The following STK3 variants were observed in gnomAD, a reference collection of about 807,000 sequenced individuals.
STK3 encodes serine/threonine-protein kinase 3.
A neutral mutation model predicts 58.0 loss-of-function variants in STK3; 41 were observed. The observed-to-expected ratio is 0.71, with a 90% CI of 0.55 to 0.92. The LOEUF (loss-of-function observed/expected upper bound fraction) is 0.92, where lower values mean the gene tolerates loss of function less well. Ranked by LOEUF, STK3 falls within the 40% of genes least tolerant of loss-of-function variation. The probability of loss-of-function intolerance (pLI) is 0.00; values close to 1 mark genes in which losing one functional copy is unlikely to be tolerated. For synonymous variants in STK3, 170 were observed against 191.0 expected, an observed-to-expected ratio of 0.89 and a Z score of 0.91; for missense variants, 479 against 602.7, an observed-to-expected ratio of 0.79 and a Z score of 2.15.
intron 3 of STK3, among the ~76,000 whole-genome samples, chr8:98,873,310 A>C (rs1202830250): frequency 6.6e-6 from 1 of 152,182 alleles, no homozygotes; most frequent in Non-Finnish European, 1.5e-5. Context: ...AAGAATGTGT[A>C]TTCTGTTGAT....
the STK3 span, among the ~76,000 whole-genome samples, chr8:98,360,237 C>T: frequency 7.9e-5 from 12 of 152,284 alleles, no homozygotes; most frequent in African/African-American, 2.6e-4. Context: ...ATTCTGACTC[C>T]CCAAAACTGG....
rs778313256 is a variant in STK3 at position 98,800,121 on chromosome 8, G to A, written c.27-25302C>T. ...TAGGTCCCGTGGCAGCCATCTTGCC[G>A]CTACTCGCCTTTGGACCCTATATTT... On this transcript the variant is annotated intron_variant, in intron 1 of 10. Coordinates refer to ENST00000419617, the MANE Select transcript of STK3 (RefSeq NM_006281.4). This position sits in a 1 kb window ranked among gnomAD's most constrained non-coding sequence, Gnocchi z 4.8. Among the ~76,000 whole-genome samples the A allele has an allele frequency of 6.6e-5, 10 of 152,282 alleles. No individual in the cohort carries two copies. Among genetic ancestry groups the A allele is most frequent in the South Asian group, 2.1e-4 (1 of 4,820 alleles).
At chr8:98,679,507 T>C (rs546883253) in intron 6 of STK3, among the ~76,000 whole-genome samples, 2 of 152,336 alleles carry the variant, frequency 1.3e-5, no homozygotes, top group South Asian at 2.1e-4. Flanking sequence ...CTAGCACTTA[T>C]GACTATCTAA....
At chr8:98,668,671 T>C (rs1587236068) in intron 6 of STK3, among the ~76,000 whole-genome samples, 2 of 152,120 alleles carry the variant, frequency 1.3e-5, no homozygotes, top group South Asian at 4.1e-4. Context: ...TTATATAATG[T>C]TGAACAATAT....
intron 4 of STK3, among the ~76,000 whole-genome samples, chr8:98,746,262 G>A (rs757067184): frequency 1.1e-4 from 17 of 152,092 alleles, no homozygotes; most frequent in Admixed American, 8.5e-4. Flanking sequence ...CACGTTTTAC[G>A]CAATGTCTAG....
At chr8:98,722,897 C>G in intron 4 of STK3, 1 of 507,650 alleles carries the variant, frequency 2.0e-6, no homozygotes, top group Non-Finnish European at 3.9e-6. Flanking sequence ...AATTCAGCTC[C>G]AAGATGGAAA....
intron 6 of STK3, among the ~76,000 whole-genome samples, chr8:98,630,109 C>A (rs978411107): frequency 2.6e-5 from 4 of 152,174 alleles, no homozygotes; most frequent in African/African-American, 9.7e-5. Flanking sequence ...ATTTCTGCCT[C>A]CTAAACAACC....
intron 3 of STK3, among the ~76,000 whole-genome samples, chr8:98,852,438 G>A (rs541130330): frequency 1.6e-4 from 25 of 152,264 alleles, no homozygotes; most frequent in Non-Finnish European, 3.2e-4. Context: ...CCAGCCTGGA[G>A]CTAAGCTAAT....
At chr8:98,901,138 C>G (rs1008978929) in intron 1 of STK3, among the ~76,000 whole-genome samples, 8 of 152,074 alleles carry the variant, frequency 5.3e-5, no homozygotes, top group Non-Finnish European at 1.2e-4. Context: ...TGAGAGAAAT[C>G]TAGAATAGAA....
chr8:98,571,565 C>T (rs764222417), intron 8 of STK3, among the ~76,000 whole-genome samples: 8 of 152,140 alleles, frequency 5.3e-5, no homozygotes, highest in East Asian at 3.9e-4. Flanking sequence ...CATTAAGGAC[C>T]GCAACCTGAA....
chr8:98,613,645 TA>T (rs933387123), intron 6 of STK3, among the ~76,000 whole-genome samples: 1 of 147,606 alleles, frequency 6.8e-6, no homozygotes, highest in Admixed American at 6.7e-5. Context: ...CCACAGGAAG[TA>T]AAAAAAAAGA....
At chr8:98,518,714 C>T (rs1825133292) in intron 10 of STK3, among the ~76,000 whole-genome samples, 1 of 152,124 alleles carries the variant, frequency 6.6e-6, no homozygotes, top group Non-Finnish European at 1.5e-5. Context: ...ACACGCCACA[C>T]CATCTGTTGG....
intron 1 of STK3, among the ~76,000 whole-genome samples, chr8:98,886,334 C>T (rs1354424338): frequency 6.6e-6 from 1 of 152,152 alleles, no homozygotes; most frequent in African/African-American, 2.4e-5. Flanking sequence ...ATACACGAAA[C>T]CTCCACATGA....
intron 1 of STK3, among the ~76,000 whole-genome samples, chr8:98,908,617 G>A (rs752297880): frequency 3.3e-5 from 5 of 152,088 alleles, no homozygotes; most frequent in East Asian, 1.9e-4. Context: ...AGGCCGGGGC[G>A]GGCGGATCAC....
intron 1 of STK3, among the ~76,000 whole-genome samples, chr8:98,385,568 G>A (rs923398689): frequency 2.6e-5 from 4 of 152,096 alleles, no homozygotes; most frequent in Admixed American, 2.0e-4. Flanking sequence ...GAAGGAGGGC[G>A]TCTCAGCTGG....
chr8:98,612,613 C>A (rs1160520880), intron 6 of STK3, among the ~76,000 whole-genome samples: 2 of 151,854 alleles, frequency 1.3e-5, no homozygotes, highest in Non-Finnish European at 2.9e-5. Context: ...GCCAGATAAG[C>A]CAACAACCAG....
At chr8:98,808,433 G>A (rs1475082040) in intron 1 of STK3, among the ~76,000 whole-genome samples, 3 of 152,194 alleles carry the variant, frequency 2.0e-5, no homozygotes, top group Admixed American at 2.0e-4. Context: ...CAGTTTGCAA[G>A]TTTGTGGACA....
At chr8:98,818,041 T>A (rs1834663127) in intron 1 of STK3, among the ~76,000 whole-genome samples, 1 of 152,206 alleles carries the variant, frequency 6.6e-6, no homozygotes, top group South Asian at 2.1e-4. Flanking sequence ...GTCATTTCAA[T>A]TCCTCCCACA....
At chr8:98,518,808 C>T (rs1228903096) in intron 10 of STK3, among the ~76,000 whole-genome samples, 1 of 152,068 alleles carries the variant, frequency 6.6e-6, no homozygotes, top group Non-Finnish European at 1.5e-5. Flanking sequence ...GTGCAGGCTT[C>T]TCATTAATTT....
Sources: allele counts gnomAD v4.1 joint callset (sites outside exome capture counted in the v4.1 genomes callset), GRCh38; gene constraint gnomAD v4.1.1; non-coding constraint Gnocchi (gnomAD v3.1); transcripts MANE v1.5; gene names NCBI Gene and HGNC (gene_info 2026-07-23, HGNC 2026-07-21).